Variants in PPFIA1 observed in about 807,000 individuals in gnomAD.
PPFIA1 encodes the protein PPFI scaffold protein A1, also known as liprin-alpha-1.
In PPFIA1, 25 loss-of-function variants were observed where a neutral mutation model predicts 149.9. The observed-to-expected ratio is 0.17, with a 90% CI of 0.12 to 0.23. PPFIA1 has a LOEUF of 0.23. PPFIA1 is among the 10% of genes least tolerant of loss of function. PPFIA1 has a pLI of 1.00. For missense variants in PPFIA1, 1,362 were observed against 1,506.5 expected, an observed-to-expected ratio of 0.90 and a Z score of 1.59; for synonymous variants, 549 against 552.8, an observed-to-expected ratio of 0.99 and a Z score of 0.10.
At chr11:70,302,149 A>G (rs1026891982) in intron 2 of PPFIA1, among the ~76,000 whole-genome samples, 1 of 152,198 alleles carries the variant, frequency 6.6e-6, no homozygotes, top group African/African-American at 2.4e-5. Context: ...GAGCCTTCCC[A>G]GAGGAGGGGG....
In PPFIA1 at chr11:70,315,989, G is replaced by T. The variant is rs139508723; in HGVS notation, c.265-8413G>T. Among the ~76,000 whole-genome samples the T allele has an allele frequency of 9.9e-4, 151 of 152,020 alleles. 2 individuals carry two copies. Among genetic ancestry groups the T allele is most frequent in the African/African-American group, 3.3e-3 (135 of 41,464 alleles). On this transcript the variant is annotated intron_variant, in intron 2 of 27. Transcript: ENST00000253925. ...GAATTCTACAGTGTTTTGTCTTTTC[G>T]TGACTGGCTTATTTCACTCAGCCCA...
chr11:70,332,811 G>C (rs971772069), intron 9 of PPFIA1, among the ~76,000 whole-genome samples: 1 of 152,200 alleles, frequency 6.6e-6, no homozygotes, highest in African/African-American at 2.4e-5. Context: ...CCTGTCTGTC[G>C]TCCTGAGTCT....
intron 25 of PPFIA1, among the ~76,000 whole-genome samples, chr11:70,376,987 C>T (rs547188632): frequency 1.3e-5 from 2 of 152,008 alleles, no homozygotes; most frequent in South Asian, 2.1e-4. Flanking sequence ...GCTGGAGAAT[C>T]GCTTAAACCT....
chr11:70,312,650 G>C (rs534737242), intron 2 of PPFIA1, among the ~76,000 whole-genome samples: 3 of 152,154 alleles, frequency 2.0e-5, no homozygotes, highest in Non-Finnish European at 2.9e-5. Flanking sequence ...CCTCAACATC[G>C]TGGAGCCTGC....
intron 2 of PPFIA1, among the ~76,000 whole-genome samples, chr11:70,309,394 T>C (rs564461762): frequency 4.6e-5 from 7 of 152,268 alleles, no homozygotes; most frequent in African/African-American, 1.7e-4. Context: ...GTCTCGAACT[T>C]GCGACCTCAG....
chr11:70,325,807 C>T (rs1351247187), intron 5 of PPFIA1, among the ~76,000 whole-genome samples: 1 of 151,900 alleles, frequency 6.6e-6, no homozygotes, highest in African/African-American at 2.4e-5. Flanking sequence ...GTGGCATGTT[C>T]CTTTAGTCCC....
rs71049904 is a variant in PPFIA1 at position 70,315,678 on chromosome 11, G to GTTTTTTTTTTTT, written c.265-8710_265-8699dup. 1.5e-3 allele frequency among the ~76,000 whole-genome samples: 112 copies of GTTTTTTTTTTTT among 73,010 alleles called. 1 individual carries two copies. Among genetic ancestry groups the GTTTTTTTTTTTT allele is most frequent in the African/African-American group, 2.2e-3 (42 of 18,702 alleles). The allele number at this position is 73,010 out of a possible 152,430, so 47.9% of individuals were successfully genotyped here. A position where few individuals can be genotyped will look rare whatever the true frequency, so the allele number is the denominator to read the frequency against. On this transcript the variant is annotated intron_variant, in intron 2 of 27. Transcript: ENST00000253925. ...GCCTTCTGTGAAGTTCTTTTTTTCT[G>GTTTTTTTTTTTT]TTTTTTTTTTTTTTTTTTTTTTTTT...
At chr11:70,290,345 T>C (rs1386421303) in intron 2 of PPFIA1, among the ~76,000 whole-genome samples, 4 of 152,208 alleles carry the variant, frequency 2.6e-5, no homozygotes, top group African/African-American at 4.8e-5. Context: ...CGCACCCACC[T>C]CCGATAGGTG....
chr11:70,352,728 C>A (rs577513272), intron 16 of PPFIA1, among the ~76,000 whole-genome samples: 1 of 91,784 alleles, frequency 1.1e-5, no homozygotes, highest in Non-Finnish European at 2.2e-5. Context: ...TGGAGGGGTG[C>A]GGAGGGCGGC....
At chr11:70,284,876 TCAGA>T (rs2051001563) in intron 2 of PPFIA1, among the ~76,000 whole-genome samples, 1 of 152,132 alleles carries the variant, frequency 6.6e-6, no homozygotes, top group African/African-American at 2.4e-5. Context: ...TGGGATGGGA[TCAGA>T]CAGAGGTGAA....
intron 14 of PPFIA1, among the ~76,000 whole-genome samples, chr11:70,340,493 G>C (rs916501194): frequency 1.1e-4 from 16 of 152,200 alleles, no homozygotes; most frequent in African/African-American, 3.9e-4. Flanking sequence ...TTAGTGAAAA[G>C]AATTCACCTT....
intron 2 of PPFIA1, among the ~76,000 whole-genome samples, chr11:70,288,613 A>C (rs2051314153): frequency 6.6e-6 from 1 of 152,146 alleles, no homozygotes; most frequent in Admixed American, 6.5e-5. Context: ...GTCCGTGTAC[A>C]GTGATGAACA....
In PPFIA1 at chr11:70,339,056, G is replaced by A. The variant is rs116547521; in HGVS notation, c.1572-115G>A. ...GGCAGATGAGAGCAGTGCCCTCCCT[G>A]GAGACCCTTTCCTGTGTGGAATAAC... On this transcript the variant is annotated intron_variant, in intron 13 of 27. Transcript: ENST00000253925. 770 of 1,281,774 alleles carry A rather than the reference G, an allele frequency of 6.0e-4. 5 individuals are homozygous for A. In the African/African-American group the frequency reaches 0.011, roughly 18 times the overall value. 79.4% of individuals were successfully genotyped at this position (1,281,774 alleles called of 1,614,324 possible).
At chr11:70,329,109 T>C (rs2054497415) in intron 7 of PPFIA1, among the ~76,000 whole-genome samples, 1 of 152,190 alleles carries the variant, frequency 6.6e-6, no homozygotes, top group Non-Finnish European at 1.5e-5. Context: ...ACCCTTATCC[T>C]AGAAAGTGAG....
chr11:70,292,786 G>A (rs2051624034), intron 2 of PPFIA1, among the ~76,000 whole-genome samples: 1 of 152,166 alleles, frequency 6.6e-6, no homozygotes, highest in Non-Finnish European at 1.5e-5. Flanking sequence ...ACATGGTAGA[G>A]GCTGTATTTG....
At position 70,326,277 on chromosome 11, in the gene PPFIA1, G is replaced by C. The variant is rs748390540; in HGVS notation, c.622G>C (p.Glu208Gln). 1.9e-6 allele frequency: 3 copies of C among 1,598,410 alleles called. No homozygotes were observed. The highest frequency in any genetic ancestry group is 2.6e-6 in the Non-Finnish European group (3 of 1,169,634). ...TTGCTTTCAGCTAATGATTCTTAAAGAACAGAATAATCAGAAAAAAACTCT... is the reference window on the plus strand; with the variant it reads ...TTGCTTTCAGCTAATGATTCTTAAACAACAGAATAATCAGAAAAAAACTCT... ...ATHKELMILK[E>Q]QNNQKKTLTD... Residue 208 changes from glutamate (E) to glutamine (Q), a missense_variant, in exon 6 of 28, where the codon GAA (glutamate) becomes CAA (glutamine). Transcript: ENST00000253925.
At chr11:70,274,645 C>T (rs2050277740) in intron 2 of PPFIA1, among the ~76,000 whole-genome samples, 1 of 152,218 alleles carries the variant, frequency 6.6e-6, no homozygotes, top group African/African-American at 2.4e-5. Flanking sequence ...TTCTACTGCT[C>T]ACAGACATTT....
At chr11:70,351,076 AG>A in intron 16 of PPFIA1, 1 of 978,376 alleles carries the variant, frequency 1.0e-6, no homozygotes, top group Admixed American at 3.7e-5. Flanking sequence ...TGTATTGAAG[AG>A]TACCTATCAT....
intron 25 of PPFIA1, among the ~76,000 whole-genome samples, chr11:70,377,496 T>C (rs996159508): frequency 3.3e-5 from 5 of 152,110 alleles, no homozygotes; most frequent in Admixed American, 1.3e-4. Context: ...AAATTGTTTC[T>C]AGTTAAAAAT....
Sources: gnomAD v4.1 joint callset for allele counts (sites outside exome capture counted in the v4.1 genomes callset) on GRCh38, gnomAD v4.1.1 for gene constraint, MANE v1.5 for transcripts, NCBI Gene and HGNC (gene_info 2026-07-23, HGNC 2026-07-21) for gene names.